Variants in PIEZO1 observed in about 807,000 individuals in gnomAD.
The protein encoded by PIEZO1 is piezo-type mechanosensitive ion channel component 1.
PIEZO1 carries 296 observed loss-of-function variants against 297.2 expected under a neutral mutation model. That is an observed-to-expected ratio of 1.00 (90% CI 0.91 to 1.10). The LOEUF (loss-of-function observed/expected upper bound fraction) is 1.10, where lower values mean the gene tolerates loss of function less well. Ranked by LOEUF, PIEZO1 falls within the 50% of genes least tolerant of loss-of-function variation. The probability of loss-of-function intolerance (pLI) is 0.00; values close to 1 mark genes in which losing one functional copy is unlikely to be tolerated. For synonymous variants in PIEZO1, 2,427 were observed against 1,507.5 expected (o/e 1.61, Z -14.13); for missense variants, 5,018 against 3,455.5 (o/e 1.45, Z -11.34).
Position 88,741,461 on chromosome 16 carries a change from G to T in PIEZO1, c.465+17C>A. 5 of 1,527,290 alleles carry T rather than the reference G, an allele frequency of 3.3e-6. No individual in the cohort carries two copies. Among genetic ancestry groups the T allele is most frequent in the African/African-American group, 1.4e-5 (1 of 72,694 alleles). The allele number at this position is 1,527,290 out of a possible 1,614,324, so 94.6% of individuals were successfully genotyped here. On this transcript the variant is annotated intron_variant, in intron 5 of 50. Transcript: ENST00000301015. ...CGAATGACCTCCCTGACACACGGGT[G>T]ACGCAGCTGCCCTCACCAGCTCCCG...
chr16:88,737,456 T>C (rs942612098), intron 10 of PIEZO1, 103 bp downstream of exon 10: 1 of 758,254 alleles, frequency 1.3e-6, no homozygotes, highest in South Asian at 1.8e-5. Context: ...CAGGCAGAGG[T>C]GCGGCGCGAG....
intron 39 of PIEZO1, among the ~76,000 whole-genome samples, 192 bp from the exon 40 acceptor site, chr16:88,720,940 A>G (rs959363502): frequency 1.3e-5 from 2 of 152,190 alleles, no homozygotes; most frequent in African/African-American, 4.8e-5. Flanking sequence ...GTGAGGGGCC[A>G]GCCCAGGCCA....
At position 88,738,345 on chromosome 16, in the gene PIEZO1, C is replaced by A. The variant is rs1290956076; in HGVS notation, c.730G>T (p.Gly244Cys). ...WACHFPISTRGFSRLCVAVGC... is the reference protein window; with the variant it reads ...WACHFPISTRCFSRLCVAVGC... ...ACCGCGACGCAGAGTCTGCTGAAGC[C>A]CCGAGTGCTGATGGGAAAGTGGCAG... The change falls in exon 7 of 51, where the codon GGC (glycine) becomes TGC (cysteine). Residue 244 changes from glycine (G) to cysteine (C), a missense_variant. By Grantham distance (159) the Gly-to-Cys change is radical (BLOSUM62 -3). Transcript: ENST00000301015. 5 of 1,535,788 alleles carry A rather than the reference C, an allele frequency of 3.3e-6. No homozygotes were observed. The East Asian group carries it at 1.2e-4, about 38-fold the overall frequency.
intron 1 of PIEZO1, among the ~76,000 whole-genome samples, chr16:88,783,050 A>T (rs1437658013): frequency 1.3e-5 from 2 of 152,238 alleles, no homozygotes; most frequent in Non-Finnish European, 2.9e-5. Context: ...ATACAGACAG[A>T]CAGTCAGTCA....
intron 1 of PIEZO1, among the ~76,000 whole-genome samples, chr16:88,784,234 C>A (rs1291597122): frequency 6.6e-6 from 1 of 152,248 alleles, no homozygotes; most frequent in Admixed American, 6.5e-5. Flanking sequence ...TCCCCTCCCC[C>A]AGACCAGGGC....
rs1475332496 is a variant in PIEZO1, at chr16:88,785,189, C to A, written c.-225G>T. ...TCGGCGGAGCGCAGCGCTCGGCTCA[C>A]TGGGGCCGAGCTGGGCCGGACGGCG... On this transcript the variant is annotated 5_prime_UTR_variant, in exon 1 of 51. Coordinates refer to ENST00000301015, the MANE Select transcript of PIEZO1 (RefSeq NM_001142864.4). 2.7e-5 allele frequency: 7 copies of A among 261,842 alleles called. No homozygotes were observed. The highest frequency in any genetic ancestry group is 1.4e-4 in the African/African-American group (6 of 44,218). 16.2% of individuals were successfully genotyped at this position (261,842 alleles called of 1,614,324 possible).
At chr16:88,774,426 G>A (rs1466640300) in intron 1 of PIEZO1, among the ~76,000 whole-genome samples, 1 of 152,112 alleles carries the variant, frequency 6.6e-6, no homozygotes, top group Non-Finnish European at 1.5e-5. Flanking sequence ...ATATAAACTG[G>A]AGAAAGACAC....
chr16:88,716,897 G>A lies in PIEZO1; in HGVS notation c.6662C>T (p.Pro2221Leu), dbSNP rs560748133. 5.0e-5 allele frequency: 77 copies of A among 1,549,660 alleles called. No individual in the cohort carries two copies. The highest frequency in any genetic ancestry group is 3.4e-4 in the East Asian group (14 of 40,920). ...CTGCTGGGCGCTCATGGTGAACAGCGGCTGGGGCAGGCACGGGGACACGGG... is the reference window on the plus strand; with the variant it reads ...CTGCTGGGCGCTCATGGTGAACAGCAGCTGGGGCAGGCACGGGGACACGGG... ...TVTLKLGGYE[P>L]LFTMSAQQPS... Residue 2221 changes from proline (P) to leucine (L), a missense_variant and splice_region_variant, in exon 46 of 51, where the codon CCG becomes CTG. Pro to Leu is a moderately conservative substitution (Grantham distance 98). Coordinates refer to ENST00000301015, the MANE Select transcript of PIEZO1 (RefSeq NM_001142864.4).
rs566985926 is a variant in PIEZO1 at position 88,716,474 on chromosome 16, C to T, written c.6936G>A (p.Ala2312=). Residue 2312 remains alanine (A), a synonymous_variant, in exon 48 of 51, where the codon GCG becomes GCA. Transcript: ENST00000301015. ...RFTWNFQRDL[A]KGGTVEYANE... The stretch of plus-strand genomic sequence containing the variant: ...TGGCATACTCCACAGTGCCTCCCTT[C>T]GCCAGGTCCCTGGGGGTGGGAACAC... The T allele has an allele frequency of 4.3e-5, 67 of 1,547,134 alleles. No homozygotes were observed. Among genetic ancestry groups the T allele is most frequent in the African/African-American group, 6.8e-5 (5 of 73,038 alleles).
rs752012401 is a variant in PIEZO1 at position 88,742,074 on chromosome 16, G to A, written c.305C>T (p.Ser102Leu). The A allele has an allele frequency of 1.4e-5, 21 of 1,535,948 alleles. No homozygotes were observed. Among genetic ancestry groups the A allele is most frequent in the South Asian group, 1.1e-4 (9 of 84,064 alleles). The change falls in exon 4 of 51, where the codon TCG becomes TTG. Residue 102 changes from serine to leucine, a missense_variant. By Grantham distance (145) the Ser-to-Leu change is moderately radical (BLOSUM62 -2). Transcript: ENST00000301015. ...GPSCSRWETL[S>L]RHIGVTRLDL... ...TTACCTTGTGACCCCTATGTGTCGC[G>A]AGAGGGTCTCCCAGCGGCTGCCTGC...
At chr16:88,737,451 A>T in intron 10 of PIEZO1, 108 bp downstream of exon 10, 2 of 717,974 alleles carry the variant, frequency 2.8e-6, no homozygotes, top group South Asian at 1.9e-5. Flanking sequence ...GGCGGCAGGC[A>T]GAGGTGCGGC....
rs769088547 is a variant in PIEZO1, at chr16:88,736,376, G to A, written c.1329C>T (p.Thr443=). The A allele has an allele frequency of 9.0e-6, 14 of 1,549,648 alleles. 1 individual carries two copies. The South Asian group carries it at 1.3e-4, about 14-fold the overall frequency. ...VWSITYHSWL[T]FVLLLWACLI... ...GGCAGGCCCAGAGCAGCAGTACGAAGGTCAGCCAGCTGTGGTAGGTGATGC... is the reference window on the plus strand; with the variant it reads ...GGCAGGCCCAGAGCAGCAGTACGAAAGTCAGCCAGCTGTGGTAGGTGATGC... The change falls in exon 12 of 51, where the codon ACC becomes ACT. Residue 443 remains threonine, a synonymous_variant. Coordinates refer to ENST00000301015, the MANE Select transcript of PIEZO1 (RefSeq NM_001142864.4).
At chr16:88,756,589 G>A (rs1405539661) in intron 1 of PIEZO1, among the ~76,000 whole-genome samples, 2 of 152,032 alleles carry the variant, frequency 1.3e-5, no homozygotes, top group Non-Finnish European at 2.9e-5. Context: ...CCAACATGGT[G>A]AAACCCCATC....
chr16:88,727,418 G>A, intron 23 of PIEZO1, 139 bp downstream of exon 23: 1 of 645,680 alleles, frequency 1.5e-6, no homozygotes, highest in East Asian at 2.8e-5. Context: ...GTGCGTGCGA[G>A]GTCAGGGCCT....
chr16:88,722,942 T>G lies in PIEZO1; in HGVS notation c.4563A>C (p.Leu1521=). 6.5e-7 allele frequency: 1 copy of G among 1,549,300 alleles called. No homozygotes were observed. The highest frequency in any genetic ancestry group is 1.4e-5 in the African/African-American group (1 of 73,114). ...AQFLWMLGQA[L]VDELTRWLQE... ...GCAGCCAGCGTGTCAGCTCATCCAC[T>G]AGCGCCTGCCCCAGCATCCACAGGA... Residue 1521 remains leucine (L), a synonymous_variant, in exon 34 of 51, where the codon CTA becomes CTC. Coordinates refer to ENST00000301015, the MANE Select transcript of PIEZO1 (RefSeq NM_001142864.4).
In PIEZO1 at chr16:88,715,661, T is replaced by G. The variant is rs1209949243; in HGVS notation, c.7510A>C (p.Ile2504Leu). 3.9e-6 allele frequency: 6 copies of G among 1,550,202 alleles called. No individual in the cohort carries two copies. The highest frequency in any genetic ancestry group is 5.2e-6 in the Non-Finnish European group (6 of 1,146,940). The change falls in exon 51 of 51, where the codon ATC becomes CTC. Residue 2504 changes from isoleucine to leucine, a missense_variant. Ile to Leu is a conservative substitution (Grantham distance 5). Coordinates refer to ENST00000301015, the MANE Select transcript of PIEZO1 (RefSeq NM_001142864.4). ...GTCTCCGGTGAGCGGTAGAGGAAGA[T>G]GAGCTTGGCGTACAACTCCTCCTCC... Reference protein sequence around the residue: ...ELEEELYAKLIFLYRSPETMI... With the variant: ...ELEEELYAKLLFLYRSPETMI...
rs182793773 is a variant in PIEZO1 at position 88,734,369 on chromosome 16, G to A, written c.2167C>T (p.Arg723Cys). 481 of 1,538,720 alleles carry A rather than the reference G, an allele frequency of 3.1e-4. No individual in the cohort carries two copies. Among genetic ancestry groups the A allele is most frequent in the Non-Finnish European group, 3.8e-4 (437 of 1,140,780 alleles). The change falls in exon 16 of 51, where the codon CGC becomes TGC. Residue 723 changes from arginine (R) to cysteine (C), a missense_variant. Arg to Cys is a radical substitution (Grantham distance 180). Coordinates refer to ENST00000301015, the MANE Select transcript of PIEZO1 (RefSeq NM_001142864.4). ...GCGGGGCCGCACCTGTGAGCCCAGCGCGGGAGGCGCGTGCCAGGCAGGGAC... is the reference window on the plus strand; with the variant it reads ...GCGGGGCCGCACCTGTGAGCCCAGCACGGGAGGCGCGTGCCAGGCAGGGAC... ...HVSLPGTRLP[R>C]WAHRQDAVSG...
In PIEZO1 at chr16:88,716,735, G is replaced by C; in HGVS notation, c.6754-4C>G. ...GGCTGATGAACTGCATGGCCAGCTG[G>C]GTACAAGTGACACCCTCAGTGACTG... is the stretch of plus-strand genomic sequence containing the variant. On this transcript the variant is annotated splice_region_variant and splice_polypyrimidine_tract_variant and intron_variant, in intron 46 of 50. Transcript: ENST00000301015. 1.3e-6 allele frequency: 2 copies of C among 1,548,064 alleles called. No homozygotes were observed. Among genetic ancestry groups the C allele is most frequent in the Non-Finnish European group, 8.7e-7 (1 of 1,146,764 alleles).
intron 1 of PIEZO1, among the ~76,000 whole-genome samples, chr16:88,752,259 G>C (rs1345324782): frequency 2.0e-5 from 3 of 152,190 alleles, no homozygotes; most frequent in Admixed American, 1.3e-4. Context: ...AAGGCAGGCG[G>C]ATCACTTGAG....
Sources: gnomAD v4.1 joint callset for allele counts (sites outside exome capture counted in the v4.1 genomes callset) on GRCh38, gnomAD v4.1.1 for gene constraint, MANE v1.5 for transcripts, NCBI Gene and HGNC (gene_info 2026-07-23, HGNC 2026-07-21) for gene names.